SEMA3E: variants seen among roughly 807,000 people sequenced by gnomAD.
SEMA3E encodes semaphorin 3E, also known as semaphorin-3E.
Under a neutral mutation model 93.6 loss-of-function variants are expected in SEMA3E, and 49 were observed. The ratio of observed to expected loss-of-function variants is 0.52; its 90% CI spans 0.42 to 0.66. The LOEUF (loss-of-function observed/expected upper bound fraction) is 0.66, where lower values mean the gene tolerates loss of function less well. SEMA3E is among the 30% of genes least tolerant of loss of function. The pLI is 0.00. For synonymous variants in SEMA3E, 363 were observed against 330.7 expected, an observed-to-expected ratio of 1.10 and a Z score of -1.06; for missense variants, 906 against 964.8, an observed-to-expected ratio of 0.94 and a Z score of 0.81.
chr7:83,509,866 T>C (rs149206477), intron 1 of SEMA3E, among the ~76,000 whole-genome samples: 1 of 152,212 alleles, frequency 6.6e-6, no homozygotes, highest in Non-Finnish European at 1.5e-5. Flanking sequence ...ACATAGTATT[T>C]ACTTAGTCCC....
chr7:83,642,854 GAGACTGAAATTATA>G (rs935381920), intron 1 of SEMA3E, among the ~76,000 whole-genome samples: 3 of 152,016 alleles, frequency 2.0e-5, no homozygotes, highest in Admixed American at 6.6e-5. Flanking sequence ...TTAACTCTCA[GAGACTGAAATTATA>G]AGACTTTAAC....
chr7:83,392,094 A>G (rs1002225315), intron 14 of SEMA3E, among the ~76,000 whole-genome samples: 4 of 152,132 alleles, frequency 2.6e-5, no homozygotes, highest in Non-Finnish European at 1.5e-5. Context: ...TGGAGTTTGG[A>G]GGTCTTTAAG....
chr7:83,490,911 C>T (rs1790369915), intron 1 of SEMA3E, among the ~76,000 whole-genome samples: 1 of 152,090 alleles, frequency 6.6e-6, no homozygotes, highest in African/African-American at 2.4e-5. Context: ...TCTGGCAAAC[C>T]TCTCATGTGT....
chr7:83,411,895 C>T (rs890728921), intron 5 of SEMA3E, among the ~76,000 whole-genome samples: 1 of 152,020 alleles, frequency 6.6e-6, no homozygotes, highest in Non-Finnish European at 1.5e-5. Context: ...TGGAGATGGG[C>T]GAGTTTAACA....
At chr7:83,576,822 T>A (rs1792415333) in intron 1 of SEMA3E, among the ~76,000 whole-genome samples, 1 of 152,102 alleles carries the variant, frequency 6.6e-6, no homozygotes, top group Admixed American at 6.5e-5. Context: ...AGATGGGGTT[T>A]CGCCATGTTG....
intron 16 of SEMA3E, among the ~76,000 whole-genome samples, chr7:83,373,935 G>A (rs1369412327): frequency 4.6e-5 from 7 of 152,202 alleles, no homozygotes; most frequent in Non-Finnish European, 7.4e-5. Flanking sequence ...GGCCGGGCGC[G>A]GTGTTTCACG....
At chr7:83,618,449 A>C (rs934221876) in intron 1 of SEMA3E, among the ~76,000 whole-genome samples, 1 of 152,006 alleles carries the variant, frequency 6.6e-6, no homozygotes, top group Non-Finnish European at 1.5e-5. Flanking sequence ...GGTAAAGCTT[A>C]TAAGAGTTTG....
At chr7:83,614,253 A>G (rs1180774736) in intron 1 of SEMA3E, among the ~76,000 whole-genome samples, 2 of 152,070 alleles carry the variant, frequency 1.3e-5, no homozygotes. Context: ...GCCAAAATTC[A>G]GGACGTAAAC....
chr7:83,487,361 A>T (rs1790280647), intron 2 of SEMA3E, among the ~76,000 whole-genome samples: 1 of 152,124 alleles, frequency 6.6e-6, no homozygotes, highest in South Asian at 2.1e-4. Context: ...TGGTCCAAGG[A>T]TGATAATTTG....
chr7:83,431,338 A>G (rs1364420291), intron 4 of SEMA3E, among the ~76,000 whole-genome samples: 1 of 151,800 alleles, frequency 6.6e-6, no homozygotes, highest in African/African-American at 2.4e-5. Context: ...GGAAAGTTAA[A>G]TTTTTATTAG....
intron 1 of SEMA3E, among the ~76,000 whole-genome samples, chr7:83,627,540 C>T (rs1415691373): frequency 6.6e-6 from 1 of 151,470 alleles, no homozygotes; most frequent in Non-Finnish European, 1.5e-5. Flanking sequence ...GCATTGATCC[C>T]TTTACCATTA....
At chr7:83,598,178 C>T (rs891915884) in intron 1 of SEMA3E, among the ~76,000 whole-genome samples, 1 of 152,096 alleles carries the variant, frequency 6.6e-6, no homozygotes, top group African/African-American at 2.4e-5. Context: ...CAGGGGTAAG[C>T]TAGATCTACC....
chr7:83,465,643 C>T (rs1210777971), intron 4 of SEMA3E, among the ~76,000 whole-genome samples: 1 of 152,100 alleles, frequency 6.6e-6, no homozygotes, highest in African/African-American at 2.4e-5. Flanking sequence ...AGTCTAGCTG[C>T]TTAACAACAG....
chr7:83,540,249 A>G (rs971684778), intron 1 of SEMA3E, among the ~76,000 whole-genome samples: 1 of 152,178 alleles, frequency 6.6e-6, no homozygotes, highest in African/African-American at 2.4e-5. Flanking sequence ...CTTTCTTTGC[A>G]CACAAGAATA....
In SEMA3E at chr7:83,538,573, A is replaced by G. The variant is rs530311859; in HGVS notation, c.116-48299T>C. 5.3e-5 allele frequency among the ~76,000 whole-genome samples: 8 copies of G among 152,250 alleles called. No individual in the cohort carries two copies. The South Asian group carries it at 1.2e-3, about 24-fold the overall frequency. On this transcript the variant is annotated intron_variant, in intron 1 of 16. Transcript: ENST00000643230. Reference sequence around the variant, plus strand: ...TATGCACACATCCCCTTCTCCCAATATACTGAAATTGTTAAATCATTATTT... The same window carrying G: ...TATGCACACATCCCCTTCTCCCAATGTACTGAAATTGTTAAATCATTATTT...
intron 4 of SEMA3E, among the ~76,000 whole-genome samples, chr7:83,427,224 T>C (rs981657547): frequency 6.6e-6 from 1 of 152,002 alleles, no homozygotes; most frequent in African/African-American, 2.4e-5. Flanking sequence ...TCTTTCTTTC[T>C]TTCCTTCCTT....
At chr7:83,513,052 T>C (rs1236026572) in intron 1 of SEMA3E, among the ~76,000 whole-genome samples, 2 of 152,200 alleles carry the variant, frequency 1.3e-5, no homozygotes, top group African/African-American at 2.4e-5. Context: ...AATTATAATA[T>C]GAAAGTTTCT....
Position 83,399,930 on chromosome 7 carries a change from T to G in SEMA3E, c.1366+98A>C, listed in dbSNP as rs371493543. On this transcript the variant is annotated intron_variant, in intron 11 of 16. Coordinates refer to ENST00000643230, the MANE Select transcript of SEMA3E (RefSeq NM_012431.3). Reference sequence around the variant, plus strand: ...TAGCAGTGTGAAATTGTTTAACAGATGGACAGATTTGTCGATAGGTGCTTT... The same window carrying G: ...TAGCAGTGTGAAATTGTTTAACAGAGGGACAGATTTGTCGATAGGTGCTTT... 411 of 970,716 alleles carry G rather than the reference T, an allele frequency of 4.2e-4. 1 individual carries two copies. In the African/African-American group the frequency reaches 5.2e-3, roughly 12 times the overall value. The allele number at this position is 970,716 out of a possible 1,614,324, so 60.1% of individuals were successfully genotyped here.
At chr7:83,632,783 A>G (rs1793811979) in intron 1 of SEMA3E, among the ~76,000 whole-genome samples, 1 of 152,210 alleles carries the variant, frequency 6.6e-6, no homozygotes, top group African/African-American at 2.4e-5. Context: ...AATATGGAAA[A>G]TGATTTGAGA....
Sources: gnomAD v4.1 joint callset for allele counts (sites outside exome capture counted in the v4.1 genomes callset) on GRCh38, gnomAD v4.1.1 for gene constraint, MANE v1.5 for transcripts, NCBI Gene and HGNC (gene_info 2026-07-23, HGNC 2026-07-21) for gene names.